SYNE1: variants seen among roughly 807,000 people sequenced by gnomAD.
SYNE1 encodes spectrin repeat containing nuclear envelope protein 1, also known as nesprin-1.
In SYNE1, 616 loss-of-function variants were observed where a neutral mutation model predicts 1,111.0. That is an observed-to-expected ratio of 0.55 (90% CI 0.52 to 0.59). SYNE1 has a LOEUF of 0.59. SYNE1 is among the 20% of genes least tolerant of loss of function. The pLI is 0.00. For missense variants in SYNE1, 10,006 were observed against 10,417.0 expected, an observed-to-expected ratio of 0.96 and a Z score of 1.72; for synonymous variants, 3,855 against 3,825.8, an observed-to-expected ratio of 1.01 and a Z score of -0.28.
intron 3 of SYNE1, among the ~76,000 whole-genome samples, chr6:152,608,378 T>C (rs1388808860): frequency 6.6e-6 from 1 of 152,192 alleles, no homozygotes; most frequent in African/African-American, 2.4e-5. Flanking sequence ...TAATAAGTGC[T>C]CTAATTACAG....
intron 54 of SYNE1, among the ~76,000 whole-genome samples, 158 bp downstream of exon 54, chr6:152,386,914 T>G (rs766282796): frequency 1.3e-5 from 2 of 152,208 alleles, no homozygotes; most frequent in Non-Finnish European, 1.5e-5. Flanking sequence ...ACCCATTTAC[T>G]GAATGTACAA....
chr6:152,429,993 C>T (rs2098413576), intron 36 of SYNE1, 119 bp downstream of exon 36: 1 of 715,244 alleles, frequency 1.4e-6, no homozygotes, highest in African/African-American at 1.8e-5. Context: ...AATTACTCAA[C>T]TAATATAAAC....
chr6:152,291,239 G>A (rs1189068), intron 95 of SYNE1, among the ~76,000 whole-genome samples: 45,135 of 89,276 alleles, frequency 0.51, 14,475 homozygotes, highest in Middle Eastern at 0.59. Flanking sequence ...ATTAATATAT[G>A]CAATTATATT....
At chr6:152,374,250 G>T (rs1205482050) in intron 58 of SYNE1, among the ~76,000 whole-genome samples, 5 of 152,184 alleles carry the variant, frequency 3.3e-5, no homozygotes, top group African/African-American at 4.8e-5. Flanking sequence ...AGAAAAATGG[G>T]TAGATTCTGT....
chr6:152,331,031 G>A lies in SYNE1; in HGVS notation c.13654C>T (p.His4552Tyr). Residue 4552 changes from histidine (H) to tyrosine (Y), a missense_variant, in exon 78 of 146, where the codon CAC becomes TAC. Around this residue, in one of 7 missense-constraint regions of SYNE1, gnomAD observed 4,955 missense variants for 5,017.2 expected, o/e 0.99. Coordinates refer to ENST00000367255, the MANE Select transcript of SYNE1 (RefSeq NM_182961.4). ...VYDSVLQKCS[H>Y]RLQELEKNLV... ...TTCTTCTCTAGTTCTTGTAACCGGT[G>A]ACTGCACTTTTGTAAAACACTGTCA... 6.2e-7 allele frequency: 1 copy of A among 1,614,078 alleles called. No individual in the cohort carries two copies. The highest frequency in any genetic ancestry group is 8.5e-7 in the Non-Finnish European group (1 of 1,180,024).
intron 25 of SYNE1, 121 bp from the exon 26 acceptor site, chr6:152,451,326 T>C: frequency 2.1e-6 from 2 of 961,162 alleles, no homozygotes; most frequent in Non-Finnish European, 3.2e-6. Context: ...CCAGTGTGAA[T>C]GGGTCACTAC....
chr6:152,494,954 TC>T (rs1465889992), intron 11 of SYNE1, among the ~76,000 whole-genome samples: 1 of 152,160 alleles, frequency 6.6e-6, no homozygotes, highest in Non-Finnish European at 1.5e-5. Context: ...CACTGAAGTT[TC>T]CACCTATCAA....
At chr6:152,416,245 A>C (rs1256919784) in intron 41 of SYNE1, 142 bp downstream of exon 41, 1 of 1,157,730 alleles carries the variant, frequency 8.6e-7, no homozygotes, top group Non-Finnish European at 1.3e-6. Flanking sequence ...AACTCAGCTT[A>C]ATTTCTTTCT....
chr6:152,150,177 G>A (rs1025928201), intron 135 of SYNE1, among the ~76,000 whole-genome samples: 1 of 152,176 alleles, frequency 6.6e-6, no homozygotes, highest in African/African-American at 2.4e-5. Context: ...ACATAGGCAG[G>A]TAAAGTTATG....
At chr6:152,290,287 T>C (rs929714863) in intron 95 of SYNE1, among the ~76,000 whole-genome samples, 4 of 152,190 alleles carry the variant, frequency 2.6e-5, no homozygotes, top group Non-Finnish European at 4.4e-5. Context: ...CCAAGCATGG[T>C]GGCTCACACC....
At chr6:152,137,477 T>A (rs2057346804) in intron 140 of SYNE1, among the ~76,000 whole-genome samples, 1 of 152,138 alleles carries the variant, frequency 6.6e-6, no homozygotes, top group African/African-American at 2.4e-5. Context: ...GTAGAGAGAA[T>A]GAATTGGGTA....
chr6:152,379,294 A>G (rs1229573948), intron 56 of SYNE1, among the ~76,000 whole-genome samples: 8 of 152,160 alleles, frequency 5.3e-5, no homozygotes, highest in Non-Finnish European at 1.2e-4. Context: ...TATACAGCTT[A>G]AGAAAATTAT....
At chr6:152,546,956 T>TAAAAGAAAAG (rs542226834) in intron 3 of SYNE1, 5 of 151,694 alleles carry the variant, frequency 3.3e-5, no homozygotes. Flanking sequence ...AAAATACAGC[T>TAAAAGAAAAG]AAAAGAAAAG....
rs2152920109 is a variant in SYNE1, at chr6:152,152,114, G to A, written c.24157C>T (p.Leu8053=). ...TTGTTGATCAGTTCCAGCTGCGTCA[G>A]GCACTCGTGGACCTGTCGCTGGAAA... ...EAFQRQVHEC[L]TQLELINKQY... is the part of the protein sequence containing the mutation. The change falls in exon 134 of 146, where the codon CTG becomes TTG. Residue 8053 remains leucine, a synonymous_variant. Coordinates refer to ENST00000367255, the MANE Select transcript of SYNE1 (RefSeq NM_182961.4). 1 of 1,614,166 alleles carries A rather than the reference G, an allele frequency of 6.2e-7. No individual in the cohort carries two copies. Among genetic ancestry groups the A allele is most frequent in the Non-Finnish European group, 8.5e-7 (1 of 1,180,034 alleles).
rs117184249 is a variant in SYNE1, at chr6:152,401,278, C to T, written c.6889G>A (p.Gly2297Arg). 5.8e-4 allele frequency: 933 copies of T among 1,614,040 alleles called. 7 individuals carry two copies. The East Asian group carries it at 0.016, about 28-fold the overall frequency. The change falls in exon 47 of 146, where the codon GGA becomes AGA. Residue 2297 changes from glycine (G) to arginine (R), a missense_variant. By Grantham distance (125) the Gly-to-Arg change is moderately radical (BLOSUM62 -2). Coordinates refer to ENST00000367255, the MANE Select transcript of SYNE1 (RefSeq NM_182961.4). ...TGAGCCGTGAAATCCTTCAGGGTTC[C>T]TTTTGCTACTTCAGTTATTTCTTTG... Reference protein sequence around the residue: ...HAKEITEVAKGTLKDFTAQST... With the variant: ...HAKEITEVAKRTLKDFTAQST...
chr6:152,215,493 T>C (rs1251896322), intron 121 of SYNE1, among the ~76,000 whole-genome samples: 1 of 152,224 alleles, frequency 6.6e-6, no homozygotes, highest in South Asian at 2.1e-4. Flanking sequence ...TATTATTTAC[T>C]TGATTTATTT....
At chr6:152,363,473 G>A (rs529335279) in intron 63 of SYNE1, among the ~76,000 whole-genome samples, 88 of 150,788 alleles carry the variant, frequency 5.8e-4, no homozygotes, top group African/African-American at 1.6e-3. Flanking sequence ...GAGCCTGGGC[G>A]ACAGAGCAAG....
chr6:152,290,102 C>T (rs2094528690), intron 95 of SYNE1, among the ~76,000 whole-genome samples: 1 of 152,152 alleles, frequency 6.6e-6, no homozygotes, highest in South Asian at 2.1e-4. Context: ...AACAAAATAA[C>T]CACAGACCTC....
rs1406849850 is a variant in SYNE1 at position 152,381,062 on chromosome 6, GGGTTAACTGCTGAGCCCA to G, written c.8935_8952del (p.Trp2979_Thr2984del). ...TCATCCGTGTTCTTGCCTTCCAGGA[GGGTTAACTGCTGAGCCCA>G]GGTTTTCAGAAGGGCACTGAACTGT... On this transcript the variant is annotated inframe_deletion, in exon 56 of 146. Coordinates refer to ENST00000367255, the MANE Select transcript of SYNE1 (RefSeq NM_182961.4). 11 of 1,614,062 alleles carry G rather than the reference GGGTTAACTGCTGAGCCCA, an allele frequency of 6.8e-6. No homozygotes were observed. The highest frequency in any genetic ancestry group is 9.3e-6 in the Non-Finnish European group (11 of 1,180,046).
Sources: gnomAD v4.1 joint callset for allele counts (sites outside exome capture counted in the v4.1 genomes callset) on GRCh38, gnomAD v4.1.1 for gene constraint, gnomAD v4.1.1 regional missense constraint, MANE v1.5 for transcripts, NCBI Gene and HGNC (gene_info 2026-07-23, HGNC 2026-07-21) for gene names.